Variants in DPP10 observed in about 807,000 individuals in gnomAD.
DPP10 encodes the protein dipeptidyl peptidase like 10.
In DPP10, 33 loss-of-function variants were observed where a neutral mutation model predicts 120.9. The observed-to-expected ratio is 0.27, with a 90% confidence interval of 0.21 to 0.37. The LOEUF is 0.37. Among genes scored for constraint, DPP10 ranks in the 10% least tolerant of loss-of-function variants. The pLI, the probability that DPP10 is intolerant of heterozygous loss-of-function variation, is 1.00. For missense variants in DPP10, 816 were observed against 942.8 expected (o/e 0.87, Z 1.76); for synonymous variants, 337 against 326.1 (o/e 1.03, Z -0.36).
At position 115,012,838 on chromosome 2, in the gene DPP10, G is replaced by GA. The variant is rs796739095; in HGVS notation, c.61-296396dup. 4.6e-5 allele frequency among the ~76,000 whole-genome samples: 7 copies of GA among 152,210 alleles called. 1 individual carries two copies. The highest frequency in any genetic ancestry group is 1.7e-4 in the African/African-American group (7 of 41,536). ...GCAAGACAAAATTTCTGAATTGCCAGAAAAAGAATTCAGGTCAATTATTAA... is the reference window on the plus strand; with the variant it reads ...GCAAGACAAAATTTCTGAATTGCCAGAAAAAAGAATTCAGGTCAATTATTAA... On this transcript the variant is annotated intron_variant, in intron 1 of 25. Transcript: ENST00000410059.
intron 5 of DPP10, among the ~76,000 whole-genome samples, chr2:115,562,802 A>G (rs970488340): frequency 6.6e-6 from 1 of 152,164 alleles, no homozygotes; most frequent in Non-Finnish European, 1.5e-5. Context: ...TATTGTCTAC[A>G]TAAGTTTAAG....
At chr2:114,663,580 A>G (rs950450835) in intron 1 of DPP10, among the ~76,000 whole-genome samples, 2 of 148,780 alleles carry the variant, frequency 1.3e-5, no homozygotes, top group Non-Finnish European at 3.0e-5. Flanking sequence ...CTTCTTTTGT[A>G]TACATCATAT....
intron 1 of DPP10, among the ~76,000 whole-genome samples, chr2:114,663,688 G>GAGAGAGAA (rs1558981171): frequency 2.7e-5 from 4 of 147,456 alleles, no homozygotes; most frequent in Non-Finnish European, 5.9e-5. Flanking sequence ...GAGAGAGAGA[G>GAGAGAGAA]AGAGAGAGAA....
chr2:114,760,310 C>G (rs965149372), intron 1 of DPP10, among the ~76,000 whole-genome samples: 1 of 152,178 alleles, frequency 6.6e-6, no homozygotes, highest in Admixed American at 6.5e-5. Flanking sequence ...CGCACCCTCC[C>G]TTTGGCGTGC....
intron 1 of DPP10, chr2:115,064,819 A>C: frequency 3.1e-6 from 4 of 1,303,704 alleles, no homozygotes; most frequent in Non-Finnish European, 4.0e-6. Flanking sequence ...AGTGGATGCT[A>C]CCTAGGTTTG....
intron 3 of DPP10, among the ~76,000 whole-genome samples, chr2:115,456,351 C>T (rs566541212): frequency 7.9e-5 from 12 of 152,234 alleles, no homozygotes; most frequent in Admixed American, 2.6e-4. Context: ...AATGCTTTTA[C>T]GCTGTTGGTG....
intron 4 of DPP10, among the ~76,000 whole-genome samples, chr2:115,524,520 C>T (rs1044166103): frequency 6.6e-6 from 1 of 152,136 alleles, no homozygotes; most frequent in Non-Finnish European, 1.5e-5. Context: ...ATGGTTCCCT[C>T]AACCCTTATC....
intron 1 of DPP10, among the ~76,000 whole-genome samples, chr2:115,266,925 T>C (rs546014507): frequency 6.6e-6 from 1 of 152,270 alleles, no homozygotes; most frequent in South Asian, 2.1e-4. Flanking sequence ...GGATAAATTA[T>C]GTTATGTGTT....
chr2:115,236,131 T>C lies in DPP10; in HGVS notation c.61-73108T>C, dbSNP rs565541073. The stretch of plus-strand genomic sequence containing the variant: ...ATTCATTATGATAATTGTAACCATA[T>C]AAGGAGTTCTTTTTGCGTGTCTGAC... On this transcript the variant is annotated intron_variant, in intron 1 of 25. Coordinates refer to ENST00000410059, the MANE Select transcript of DPP10 (RefSeq NM_020868.6). Among the ~76,000 whole-genome samples the C allele has an allele frequency of 4.6e-5, 7 of 152,326 alleles. No individual in the cohort carries two copies. In the South Asian group the frequency reaches 6.2e-4, roughly 14 times the overall value.
rs761055323 is a variant in DPP10 at position 115,777,227 on chromosome 2, C to T, written c.1241C>T (p.Thr414Ile). The change falls in exon 14 of 26, where the codon ACC (threonine) becomes ATC (isoleucine). Residue 414 changes from threonine to isoleucine, a missense_variant. Transcript: ENST00000410059. Reference protein sequence around the residue: ...FLIQSKSEQITVRHLTSGNWE... With the variant: ...FLIQSKSEQIIVRHLTSGNWE... ...TTGCAGAGTAAAAGTGAGCAAATTA[C>T]CGTGCGGCATCTGACATCAGGAAAC... 40 of 1,612,752 alleles carry T rather than the reference C, an allele frequency of 2.5e-5. No individual in the cohort carries two copies. The highest frequency in any genetic ancestry group is 3.2e-5 in the Non-Finnish European group (38 of 1,179,218).
intron 3 of DPP10, among the ~76,000 whole-genome samples, chr2:115,361,003 T>C (rs1292128734): frequency 6.6e-6 from 1 of 152,150 alleles, no homozygotes. Flanking sequence ...TCTGTCCCAG[T>C]ACTGAGCTTG....
intron 11 of DPP10, among the ~76,000 whole-genome samples, chr2:115,760,410 C>T (rs1182097800): frequency 6.6e-6 from 1 of 152,098 alleles, no homozygotes; most frequent in Admixed American, 6.5e-5. Flanking sequence ...GAAGTGATTG[C>T]CTTTTGAGAA....
intron 1 of DPP10, among the ~76,000 whole-genome samples, chr2:115,307,165 G>T (rs1380021521): frequency 6.6e-6 from 1 of 152,072 alleles, no homozygotes; most frequent in Non-Finnish European, 1.5e-5. Context: ...TGAGGATTAT[G>T]TGAGATTGCA....
At chr2:115,196,240 A>C (rs1260657607) in intron 1 of DPP10, among the ~76,000 whole-genome samples, 1 of 152,176 alleles carries the variant, frequency 6.6e-6, no homozygotes, top group Non-Finnish European at 1.5e-5. Context: ...TTAGAGTTCA[A>C]CTTACGTGTA....
chr2:115,072,117 G>A (rs551209305), intron 1 of DPP10, among the ~76,000 whole-genome samples: 1 of 152,262 alleles, frequency 6.6e-6, no homozygotes, highest in African/African-American at 2.4e-5. Flanking sequence ...AGACAGAAAT[G>A]AGTCACAGAT....
At chr2:115,263,142 C>T (rs2059325338) in intron 1 of DPP10, among the ~76,000 whole-genome samples, 2 of 152,148 alleles carry the variant, frequency 1.3e-5, no homozygotes, top group Admixed American at 1.3e-4. Flanking sequence ...GAGATTATCT[C>T]CAACAGAAGT....
rs1553554648 is a variant in DPP10 at position 115,334,230 on chromosome 2, G to GTTTTTTTTTTTTTTTGTTTGT, written c.176-9572_176-9571insGTTTGTTTTTTTTTTTTTTTT. Among the ~76,000 whole-genome samples, 5 of 56,412 alleles carry GTTTTTTTTTTTTTTTGTTTGT rather than the reference G, an allele frequency of 8.9e-5. 1 individual carries two copies. In the East Asian group the frequency reaches 2.8e-3, roughly 31 times the overall value. 37.0% of individuals were successfully genotyped at this position (56,412 alleles called of 152,430 possible). A position where few individuals can be genotyped will look rare whatever the true frequency, so the allele number is the denominator to read the frequency against. ...TCAGGAATGGACCAGAGCAGACTCT[G>GTTTTTTTTTTTTTTTGTTTGT]TTTTTTTTTTTTTTTTAAGAAACCT... is the stretch of plus-strand genomic sequence containing the variant. On this transcript the variant is annotated intron_variant, in intron 2 of 25. Transcript: ENST00000410059.
At chr2:114,543,144 T>C (rs551551953) in intron 1 of DPP10, among the ~76,000 whole-genome samples, 1 of 152,364 alleles carries the variant, frequency 6.6e-6, no homozygotes, top group African/African-American at 2.4e-5. Flanking sequence ...CAGTATTAAT[T>C]GTTAAAATTC....
At chr2:115,271,317 A>G (rs2059690467) in intron 1 of DPP10, among the ~76,000 whole-genome samples, 1 of 152,184 alleles carries the variant, frequency 6.6e-6, no homozygotes, top group Non-Finnish European at 1.5e-5. Context: ...GGAATAAGGA[A>G]ATCTTGACAG....
Sources: allele counts gnomAD v4.1 joint callset (sites outside exome capture counted in the v4.1 genomes callset), GRCh38; gene constraint gnomAD v4.1.1; transcripts MANE v1.5; gene names NCBI Gene and HGNC (gene_info 2026-07-23, HGNC 2026-07-21).